The following PAPSS1 variants were observed in gnomAD, a reference collection of about 807,000 sequenced individuals.
The protein encoded by PAPSS1 is 3'-phosphoadenosine 5'-phosphosulfate synthase 1, also known as bifunctional 3'-phosphoadenosine 5'-phosphosulfate synthase 1.
Under a neutral mutation model 72.0 loss-of-function variants are expected in PAPSS1, and 50 were observed. The ratio of observed to expected loss-of-function variants is 0.69; its 90% confidence interval spans 0.55 to 0.88. The LOEUF (loss-of-function observed/expected upper bound fraction) is 0.88, where lower values mean the gene tolerates loss of function less well. Ranked by LOEUF, PAPSS1 falls within the 40% of genes least tolerant of loss-of-function variation. The probability of loss-of-function intolerance (pLI) is 0.00; values close to 1 mark genes in which losing one functional copy is unlikely to be tolerated. For synonymous variants in PAPSS1, 261 were observed against 263.6 expected (o/e 0.99, Z 0.09); for missense variants, 657 against 782.2 (o/e 0.84, Z 1.91).
At chr4:107,635,857 T>G (rs997477268) in intron 10 of PAPSS1, among the ~76,000 whole-genome samples, 1 of 152,144 alleles carries the variant, frequency 6.6e-6, no homozygotes, top group Non-Finnish European at 1.5e-5. Context: ...GCACAACAGT[T>G]GCATTTTCTG....
At chr4:107,632,872 C>T (rs1726258725) in intron 10 of PAPSS1, among the ~76,000 whole-genome samples, 1 of 152,178 alleles carries the variant, frequency 6.6e-6, no homozygotes, top group South Asian at 2.1e-4. Flanking sequence ...ATAACCACTA[C>T]ACATAAATAA....
At chr4:107,682,712 T>C (rs932861992) in intron 4 of PAPSS1, among the ~76,000 whole-genome samples, 4 of 152,190 alleles carry the variant, frequency 2.6e-5, no homozygotes, top group Non-Finnish European at 4.4e-5. Context: ...CTACAGGACA[T>C]GGACATAAAA....
At chr4:107,685,995 G>A (rs1024451638) in intron 4 of PAPSS1, among the ~76,000 whole-genome samples, 6 of 152,070 alleles carry the variant, frequency 3.9e-5, no homozygotes, top group Admixed American at 2.0e-4. Context: ...GTTTTGTTTC[G>A]TTTTGTTTTT....
At position 107,658,231 on chromosome 4, in the gene PAPSS1, T is replaced by TG. The variant is rs780918341; in HGVS notation, c.784-1225dup. On this transcript the variant is annotated intron_variant, in intron 6 of 11. Transcript: ENST00000265174. ...CACAAAAAAAGTGACCATAAAGTACTGTATTCTAAAAAAAAAAGGTGTATA... is the reference window on the plus strand; with the variant it reads ...CACAAAAAAAGTGACCATAAAGTACTGGTATTCTAAAAAAAAAAGGTGTATA... Among the ~76,000 whole-genome samples, 11 of 148,510 alleles carry TG rather than the reference T, an allele frequency of 7.4e-5. No homozygotes were observed. The East Asian group carries it at 1.8e-3, about 24-fold the overall frequency.
In PAPSS1 at chr4:107,645,064, A is replaced by G; in HGVS notation, c.1244T>C (p.Val415Ala). 1 of 1,511,096 alleles carries G rather than the reference A, an allele frequency of 6.6e-7. No homozygotes were observed. The highest frequency in any genetic ancestry group is 2.2e-5 in the Admixed American group (1 of 45,560). 93.6% of individuals were successfully genotyped at this position (1,511,096 alleles called of 1,614,324 possible). Residue 415 changes from valine to alanine, a missense_variant, in exon 10 of 12, where the codon GTC becomes GCC. By Grantham distance (64) the Val-to-Ala change is moderately conservative. Transcript: ENST00000265174. ...QKFKDMNADA[V>A]FAFQLRNPVH... ...TGGGTTGCGTAGTTGAAATGCAAAG[A>G]CAGCATCTGAAAAGAGAATTTCCAG...
chr4:107,681,172 T>A (rs1417894374), intron 5 of PAPSS1, among the ~76,000 whole-genome samples: 1 of 151,910 alleles, frequency 6.6e-6, no homozygotes, highest in Admixed American at 6.6e-5. Flanking sequence ...ATTTTGCAGA[T>A]TAAGAGGGGG....
intron 11 of PAPSS1, among the ~76,000 whole-genome samples, chr4:107,615,677 G>A (rs62313979): frequency 0.051 from 7,726 of 152,138 alleles, 256 homozygotes; most frequent in Non-Finnish European, 0.078. Flanking sequence ...AGTACGGATG[G>A]GATAAGATGC....
At chr4:107,650,808 G>A (rs1343941519) in intron 9 of PAPSS1, among the ~76,000 whole-genome samples, 1 of 152,048 alleles carries the variant, frequency 6.6e-6, no homozygotes. Flanking sequence ...ATACAAAATG[G>A]TTGCAGGAAC....
At chr4:107,631,263 G>C (rs1202553671) in intron 11 of PAPSS1, among the ~76,000 whole-genome samples, 9 of 152,258 alleles carry the variant, frequency 5.9e-5, no homozygotes, top group Middle Eastern at 3.4e-3. Context: ...CTGTCACATA[G>C]TGATTGCACA....
intron 10 of PAPSS1, among the ~76,000 whole-genome samples, chr4:107,640,396 T>C (rs1178575315): frequency 6.6e-6 from 1 of 152,204 alleles, no homozygotes; most frequent in Non-Finnish European, 1.5e-5. Flanking sequence ...CTGAAAAGCA[T>C]TTGTGCTAAG....
rs1722637910 is a variant in PAPSS1, at chr4:107,682,137, C to T, written c.551-4G>A. The stretch of plus-strand genomic sequence containing the variant: ...TCAGAATCGATCCCAGTGAAACCTG[C>T]AAAAGGTAACAGATAATAGAGTAGG... On this transcript the variant is annotated splice_region_variant and splice_polypyrimidine_tract_variant and intron_variant, in intron 4 of 11. Coordinates refer to ENST00000265174, the MANE Select transcript of PAPSS1 (RefSeq NM_005443.5). 1 of 1,379,110 alleles carries T rather than the reference C, an allele frequency of 7.3e-7. No individual in the cohort carries two copies. The highest frequency in any genetic ancestry group is 1.0e-6 in the Non-Finnish European group (1 of 972,700). 85.4% of individuals were successfully genotyped at this position (1,379,110 alleles called of 1,614,324 possible).
intron 5 of PAPSS1, among the ~76,000 whole-genome samples, chr4:107,663,537 C>T (rs1048979769): frequency 1.3e-5 from 2 of 152,190 alleles, no homozygotes; most frequent in African/African-American, 4.8e-5. Context: ...CATTAATCTT[C>T]ACACAGTCCT....
At chr4:107,689,009 G>A (rs1722854510) in intron 3 of PAPSS1, among the ~76,000 whole-genome samples, 2 of 152,092 alleles carry the variant, frequency 1.3e-5, no homozygotes, top group South Asian at 2.1e-4. Flanking sequence ...TCCTTCAGAT[G>A]TTACTTCTAA....
intron 11 of PAPSS1, among the ~76,000 whole-genome samples, chr4:107,624,368 T>G (rs1477988379): frequency 1.3e-5 from 2 of 152,202 alleles, no homozygotes; most frequent in African/African-American, 4.8e-5. Flanking sequence ...TGGTCAGTGG[T>G]TTACTATCTG....
chr4:107,679,196 G>A (rs540779733), intron 5 of PAPSS1, among the ~76,000 whole-genome samples: 70 of 152,118 alleles, frequency 4.6e-4, no homozygotes, highest in African/African-American at 1.5e-3. Flanking sequence ...TCACCACTTC[G>A]CAGTCATGAG....
chr4:107,695,142 T>C (rs1361151930), intron 2 of PAPSS1, among the ~76,000 whole-genome samples: 1 of 152,180 alleles, frequency 6.6e-6, no homozygotes, highest in Non-Finnish European at 1.5e-5. Flanking sequence ...TGTTTTTCCA[T>C]TTGTTTGTGT....
Position 107,631,735 on chromosome 4 carries a change from T to G in PAPSS1, c.1632A>C (p.Lys544Asn), listed in dbSNP as rs1365940845. The stretch of plus-strand genomic sequence containing the variant: ...TTAAACCAGGGGCCATCGTCAGCAC[T>G]TTGGCACCATGACTTGGCTCATAAA... ...KDLYEPSHGA[K>N]VLTMAPGLIT... The change falls in exon 11 of 12, where the codon AAA becomes AAC. Residue 544 changes from lysine (K) to asparagine (N), a missense_variant. By Grantham distance (94) the Lys-to-Asn change is moderately conservative. Transcript: ENST00000265174. The G allele has an allele frequency of 6.2e-7, 1 of 1,614,022 alleles. No individual in the cohort carries two copies. Among genetic ancestry groups the G allele is most frequent in the Non-Finnish European group, 8.5e-7 (1 of 1,179,990 alleles).
chr4:107,686,497 C>T (rs1192836738), intron 4 of PAPSS1, among the ~76,000 whole-genome samples: 1 of 152,130 alleles, frequency 6.6e-6, no homozygotes, highest in Admixed American at 6.6e-5. Context: ...GTTGAAACCA[C>T]ACATGTGGAA....
rs183139151 is a variant in PAPSS1, at chr4:107,651,761, A to T, written c.1237+1730T>A. 2.1e-3 allele frequency among the ~76,000 whole-genome samples: 319 copies of T among 152,272 alleles called. 3 individuals carry two copies. The highest frequency in any genetic ancestry group is 7.3e-3 in the African/African-American group (302 of 41,568). Reference sequence around the variant, plus strand: ...GGGATTATAGGAACTACAATTCAAGATGAGATTTGGGAGGACACAGCCAAA... The same window carrying T: ...GGGATTATAGGAACTACAATTCAAGTTGAGATTTGGGAGGACACAGCCAAA... On this transcript the variant is annotated intron_variant, in intron 9 of 11. Transcript: ENST00000265174.
Sources: allele counts gnomAD v4.1 joint callset (sites outside exome capture counted in the v4.1 genomes callset), GRCh38; gene constraint gnomAD v4.1.1; transcripts MANE v1.5; gene names NCBI Gene and HGNC (gene_info 2026-07-23, HGNC 2026-07-21).